LRP1: variants seen among roughly 807,000 people sequenced by gnomAD.
LRP1 encodes LDL receptor related protein 1.
A neutral mutation model predicts 541.5 loss-of-function variants in LRP1; 51 were observed. That is an observed-to-expected ratio of 0.09 (90% CI 0.08 to 0.12). The LOEUF is 0.12. LRP1 is among the 10% of genes least tolerant of loss of function. LRP1 has a pLI of 1.00. For missense variants in LRP1, 3,878 were observed against 6,376.2 expected, an observed-to-expected ratio of 0.61 and a Z score of 13.34; for synonymous variants, 2,219 against 2,470.8, an observed-to-expected ratio of 0.90 and a Z score of 3.02.
At chr12:57,182,449 G>T (rs1198542253) in intron 34 of LRP1, among the ~76,000 whole-genome samples, 1 of 150,858 alleles carries the variant, frequency 6.6e-6, no homozygotes, top group Non-Finnish European at 1.5e-5. Context: ...AGGTTCAAGG[G>T]TTGCAGTGGG....
chr12:57,183,685 C>A lies in LRP1; in HGVS notation c.5795-90C>A. 1 of 1,563,948 alleles carries A rather than the reference C, an allele frequency of 6.4e-7. No homozygotes were observed. ...AAGCACCTGGCCCCTCCGGCACTCT[C>A]TCACCTCTGTCTTGAGCCTTGTGAG... is the stretch of plus-strand genomic sequence containing the variant. On this transcript the variant is annotated intron_variant, in intron 35 of 88. Transcript: ENST00000243077. The surrounding 1 kb of genome is among the most constrained non-coding windows in gnomAD (Gnocchi z 6.1).
At chr12:57,129,463 G>A (rs979376717) in intron 1 of LRP1, among the ~76,000 whole-genome samples, 6 of 151,986 alleles carry the variant, frequency 3.9e-5, no homozygotes, top group Non-Finnish European at 7.4e-5. Flanking sequence ...TTTTGCACTG[G>A]CCTCTGTAGC....
rs527492271 is a variant in LRP1, at chr12:57,189,299, T to A, written c.7032-1506T>A. On this transcript the variant is annotated intron_variant, in intron 42 of 88. Transcript: ENST00000243077. The surrounding 1 kb of genome is among the most constrained non-coding windows in gnomAD (Gnocchi z 4.4). ...TCACCTGAGGTGTAGGAGTTCCTGGTGGGGACTGACAGGCCAAGTCCAATC... is the reference window on the plus strand; with the variant it reads ...TCACCTGAGGTGTAGGAGTTCCTGGAGGGGACTGACAGGCCAAGTCCAATC... 6.6e-6 allele frequency among the ~76,000 whole-genome samples: 1 copy of A among 152,234 alleles called. No homozygotes were observed. The highest frequency in any genetic ancestry group is 2.4e-5 in the African/African-American group (1 of 41,540).
intron 44 of LRP1, among the ~76,000 whole-genome samples, chr12:57,191,901 TACAC>T (rs2036404383): frequency 5.1e-4 from 1 of 1,972 alleles, no homozygotes; most frequent in Non-Finnish European, 1.0e-3. Context: ...ACATACCACA[TACAC>T]ACACCACCAC....
chr12:57,184,707 C>A lies in LRP1; in HGVS notation c.6187-132C>A. The A allele has an allele frequency of 1.9e-6, 2 of 1,039,506 alleles. No homozygotes were observed. The highest frequency in any genetic ancestry group is 1.6e-5 in the African/African-American group (1 of 62,748). 64.4% of individuals were successfully genotyped at this position (1,039,506 alleles called of 1,614,324 possible). A position where few individuals can be genotyped will look rare whatever the true frequency, so the allele number is the denominator to read the frequency against. The stretch of plus-strand genomic sequence containing the variant: ...GCAGGGCAGTGGGCAGGAGTGTATG[C>A]AGGAGGCAGGAGTGAGTTAGGGGAG... On this transcript the variant is annotated intron_variant, in intron 38 of 88. Coordinates refer to ENST00000243077, the MANE Select transcript of LRP1 (RefSeq NM_002332.3). The surrounding 1 kb of genome is among the most constrained non-coding windows in gnomAD (Gnocchi z 7.8).
chr12:57,162,544 G>A lies in LRP1; in HGVS notation c.2404+26G>A, dbSNP rs368510521. ...GTACCTCCTTGGGGCTGGGGGCAGC[G>A]TGGGACCTGGAAGGGGTGGTGGGAC... On this transcript the variant is annotated intron_variant, in intron 14 of 88. Coordinates refer to ENST00000243077, the MANE Select transcript of LRP1 (RefSeq NM_002332.3). This position sits in a 1 kb window ranked among gnomAD's most constrained non-coding sequence, Gnocchi z 5.2. 168 of 1,611,998 alleles carry A rather than the reference G, an allele frequency of 1.0e-4. 1 individual carries two copies. Among genetic ancestry groups the A allele is most frequent in the South Asian group, 1.3e-4 (12 of 91,014 alleles).
chr12:57,185,193 G>T lies in LRP1; in HGVS notation c.6451G>T (p.Asp2151Tyr). The change falls in exon 40 of 89, where the codon GAC becomes TAC. Residue 2151 changes from aspartate (D) to tyrosine (Y), a missense_variant. Around this residue, in one of 13 missense-constraint regions of LRP1, gnomAD observed 1,100 missense variants for 1,827.4 expected, o/e 0.60. Coordinates refer to ENST00000243077, the MANE Select transcript of LRP1 (RefSeq NM_002332.3). This position sits in a 1 kb window ranked among gnomAD's most constrained non-coding sequence, Gnocchi z 4.9. ...QLKDIKVFNR[D>Y]RQKGTNVCAV... The stretch of plus-strand genomic sequence containing the variant: ...TAAAGACATCAAAGTCTTCAACCGG[G>T]ACCGGCAGAAAGGTGAGGCTGGGGC... The T allele has an allele frequency of 1.9e-6, 3 of 1,614,132 alleles. No individual in the cohort carries two copies. The highest frequency in any genetic ancestry group is 2.2e-5 in the East Asian group (1 of 44,884).
chr12:57,173,432 G>T lies in LRP1; in HGVS notation c.3346+82G>T. ...GTGTTGAGAGCAGAGTAGCGGCAAA[G>T]GGGATGGCACTGTGCTGTGTGGAGT... On this transcript the variant is annotated intron_variant, in intron 21 of 88. Coordinates refer to ENST00000243077, the MANE Select transcript of LRP1 (RefSeq NM_002332.3). The surrounding 1 kb of genome is among the most constrained non-coding windows in gnomAD (Gnocchi z 4.7). 6.9e-7 allele frequency: 1 copy of T among 1,443,718 alleles called. No individual in the cohort carries two copies. The highest frequency in any genetic ancestry group is 1.3e-5 in the South Asian group (1 of 77,480). The allele number at this position is 1,443,718 out of a possible 1,614,324, so 89.4% of individuals were successfully genotyped here.
chr12:57,196,888 C>G lies in LRP1; in HGVS notation c.8893-94C>G, dbSNP rs368584813. 76 of 1,125,656 alleles carry G rather than the reference C, an allele frequency of 6.8e-5. No individual in the cohort carries two copies. The East Asian group carries it at 1.4e-3, about 21-fold the overall frequency. The allele number at this position is 1,125,656 out of a possible 1,614,324, so 69.7% of individuals were successfully genotyped here. ...CATATGCTGCTGCCCCTAGTGAGGC[C>G]GGGTAGAGGGAATTGGAGTCTCTGA... On this transcript the variant is annotated intron_variant, in intron 55 of 88. Coordinates refer to ENST00000243077, the MANE Select transcript of LRP1 (RefSeq NM_002332.3).
At position 57,142,947 on chromosome 12, in the gene LRP1, T is replaced by C. The variant is rs372672410; in HGVS notation, c.329-732T>C. Among the ~76,000 whole-genome samples the C allele has an allele frequency of 7.2e-4, 110 of 151,946 alleles. 1 individual carries two copies. The highest frequency in any genetic ancestry group is 2.6e-3 in the African/African-American group (109 of 41,418). On this transcript the variant is annotated intron_variant, in intron 3 of 88. Transcript: ENST00000243077. ...GTGGGGGTGGAGTGGGAAGCCAGGGTGTGAGGCCGCTGGACAAAGGGGTCT... is the reference window on the plus strand; with the variant it reads ...GTGGGGGTGGAGTGGGAAGCCAGGGCGTGAGGCCGCTGGACAAAGGGGTCT...
intron 6 of LRP1, chr12:57,149,615 G>C: frequency 5.7e-6 from 4 of 705,336 alleles, no homozygotes; most frequent in Non-Finnish European, 1.0e-5. Flanking sequence ...AGGTCGAAAT[G>C]CCTCTTGGGG....
In LRP1 at chr12:57,128,876, GA is replaced by G. The variant is rs1250921667; in HGVS notation, c.-85del. ...CAGAGAAGGAGGAGGGGGAAAGGAGGAAAAGGGGGACCCCCCAACTGGGGGG... is the reference window on the plus strand; with the variant it reads ...CAGAGAAGGAGGAGGGGGAAAGGAGGAAAGGGGGACCCCCCAACTGGGGGG... On this transcript the variant is annotated 5_prime_UTR_variant, in exon 1 of 89. Transcript: ENST00000243077. 2.4e-4 allele frequency: 283 copies of G among 1,193,114 alleles called. No individual in the cohort carries two copies. Among genetic ancestry groups the G allele is most frequent in the East Asian group, 3.2e-4 (12 of 38,082 alleles). 73.9% of individuals were successfully genotyped at this position (1,193,114 alleles called of 1,614,324 possible). A position where few individuals can be genotyped will look rare whatever the true frequency, so the allele number is the denominator to read the frequency against.
intron 48 of LRP1, 118 bp from the exon 49 acceptor site, chr12:57,194,236 C>A: frequency 8.1e-7 from 1 of 1,229,644 alleles, no homozygotes; most frequent in Non-Finnish European, 1.1e-6. Flanking sequence ...CAGTGCCCCA[C>A]CAGAAGGGCA....
Position 57,194,619 on chromosome 12 carries a change from C to T in LRP1, c.8111C>T (p.Pro2704Leu). 6.2e-7 allele frequency: 1 copy of T among 1,610,772 alleles called. No individual in the cohort carries two copies. Among genetic ancestry groups the T allele is most frequent in the Non-Finnish European group, 8.5e-7 (1 of 1,179,218 alleles). ...TGCCCTCTGAATTACTTCGCCTGCC[C>T]TAGTGGGCGCTGCATCCCCATGAGC... is the stretch of plus-strand genomic sequence containing the variant. ...PRCPLNYFAC[P>L]SGRCIPMSWT... Residue 2704 changes from proline to leucine, a missense_variant, in exon 50 of 89, where the codon CCT (proline) becomes CTT (leucine). By Grantham distance (98) the Pro-to-Leu change is moderately conservative. Coordinates refer to ENST00000243077, the MANE Select transcript of LRP1 (RefSeq NM_002332.3).
chr12:57,180,077 C>T lies in LRP1; in HGVS notation c.5172C>T (p.Ile1724=), dbSNP rs2036132108. ...GKLYWTDGDN[I]SMANMDGSNR... ...TCTACTGGACCGATGGTGACAACAT[C>T]AGCATGGCCAACATGGATGGCAGCA... Residue 1724 remains isoleucine (I), a synonymous_variant, in exon 31 of 89, where the codon ATC becomes ATT. Transcript: ENST00000243077. 11 of 1,613,866 alleles carry T rather than the reference C, an allele frequency of 6.8e-6. No homozygotes were observed. The highest frequency in any genetic ancestry group is 9.3e-6 in the Non-Finnish European group (11 of 1,180,026).
In LRP1 at chr12:57,204,535, A is replaced by G. The variant is rs757415795; in HGVS notation, c.11071+6A>G. ...TGAGAACCCCGAGGAGTGTGGTGAGATTTGGGGCGGGGCTCCCAGGCTTCC... is the reference window on the plus strand; with the variant it reads ...TGAGAACCCCGAGGAGTGTGGTGAGGTTTGGGGCGGGGCTCCCAGGCTTCC... On this transcript the variant is annotated splice_donor_region_variant and intron_variant, in intron 71 of 88. Transcript: ENST00000243077. The surrounding 1 kb of genome is among the most constrained non-coding windows in gnomAD (Gnocchi z 5.3). 1.9e-6 allele frequency: 3 copies of G among 1,605,880 alleles called. No individual in the cohort carries two copies. Among genetic ancestry groups the G allele is most frequent in the East Asian group, 4.5e-5 (2 of 44,678 alleles).
chr12:57,201,169 G>A lies in LRP1; in HGVS notation c.10345+16G>A. On this transcript the variant is annotated intron_variant, in intron 65 of 88. Transcript: ENST00000243077. This position sits in a 1 kb window ranked among gnomAD's most constrained non-coding sequence, Gnocchi z 6.4. ...AGGGACTGCCGTGAGTGTCAGAGGT[G>A]GTGGTGGGCCGGTGGTGGGAGATGA... is the stretch of plus-strand genomic sequence containing the variant. 1 of 1,613,602 alleles carries A rather than the reference G, an allele frequency of 6.2e-7. No homozygotes were observed. The highest frequency in any genetic ancestry group is 8.5e-7 in the Non-Finnish European group (1 of 1,179,588).
chr12:57,159,214 C>T (rs978583307), intron 11 of LRP1, among the ~76,000 whole-genome samples: 7 of 152,142 alleles, frequency 4.6e-5, no homozygotes, highest in Non-Finnish European at 8.8e-5. Context: ...AGGATCAGGC[C>T]GCCTCCCCAT....
rs768373586 is a variant in LRP1 at position 57,192,827 on chromosome 12, C to CA, written c.7430-17dup. The CA allele has an allele frequency of 6.2e-7, 1 of 1,613,994 alleles. No homozygotes were observed. Among genetic ancestry groups the CA allele is most frequent in the South Asian group, 1.1e-5 (1 of 91,088 alleles). On this transcript the variant is annotated splice_polypyrimidine_tract_variant and intron_variant, in intron 44 of 88. Coordinates refer to ENST00000243077, the MANE Select transcript of LRP1 (RefSeq NM_002332.3). Reference sequence around the variant, plus strand: ...AGAGAACACTCTCCAGCCCTGCGCCCACCCTGTCCCTGCTCAGGTGAACTC... The same window carrying CA: ...AGAGAACACTCTCCAGCCCTGCGCCCAACCCTGTCCCTGCTCAGGTGAACTC...
Sources: gnomAD v4.1 joint callset for allele counts (sites outside exome capture counted in the v4.1 genomes callset) on GRCh38, gnomAD v4.1.1 for gene constraint, gnomAD v4.1.1 regional missense constraint, Gnocchi (gnomAD v3.1) non-coding constraint, MANE v1.5 for transcripts, NCBI Gene and HGNC (gene_info 2026-07-23, HGNC 2026-07-21) for gene names.